Variants in LRRIQ4 observed in about 807,000 individuals in gnomAD.
The protein encoded by LRRIQ4 is leucine rich repeats and IQ motif containing 4.
LRRIQ4 carries 21 observed loss-of-function variants against 40.1 expected under a neutral mutation model. That is an observed-to-expected ratio of 0.52 (90% CI 0.37 to 0.75). The LOEUF (loss-of-function observed/expected upper bound fraction) is 0.75, where lower values mean the gene tolerates loss of function less well. Among genes scored for constraint, LRRIQ4 ranks in the 30% least tolerant of loss-of-function variants. LRRIQ4 has a pLI of 0.00. For synonymous variants in LRRIQ4, 277 were observed against 277.1 expected (o/e 1.00, Z 0.00); for missense variants, 655 against 660.0 (o/e 0.99, Z 0.08).
rs1214670852 is a variant in LRRIQ4, at chr3:169,822,903, C to T, written c.982C>T (p.Leu328Phe). ...GCTGCAGATCTGTGCACTGAAGAACCTTGAAGTCCTGGGACTGGATGACAA... is the reference window on the plus strand; with the variant it reads ...GCTGCAGATCTGTGCACTGAAGAACTTTGAAGTCCTGGGACTGGATGACAA... Reference protein sequence around the residue: ...CPLQICALKNLEVLGLDDNKI... With the variant: ...CPLQICALKNFEVLGLDDNKI... Residue 328 changes from leucine to phenylalanine, a missense_variant, in exon 2 of 6, where the codon CTT (leucine) becomes TTT (phenylalanine). By Grantham distance (22) the Leu-to-Phe change is conservative. Transcript: ENST00000340806. 6.4e-7 allele frequency: 1 copy of T among 1,561,642 alleles called. No homozygotes were observed. Among genetic ancestry groups the T allele is most frequent in the South Asian group, 1.2e-5 (1 of 81,804 alleles).
In LRRIQ4 at chr3:169,828,853, C is replaced by A. The variant is rs1385190319; in HGVS notation, c.1115C>A (p.Ala372Glu). 6.2e-7 allele frequency: 1 copy of A among 1,613,762 alleles called. No individual in the cohort carries two copies. Among genetic ancestry groups the A allele is most frequent in the Non-Finnish European group, 8.5e-7 (1 of 1,179,796 alleles). The stretch of plus-strand genomic sequence containing the variant: ...TTTCCGGAGGAAGTCCTTTCTTTAG[C>A]GTCTTTAGAGAAATTATACATTGGG... ...LSFPEEVLSL[A>E]SLEKLYIGQD... The change falls in exon 3 of 6, where the codon GCG becomes GAG. Residue 372 changes from alanine (A) to glutamate (E), a missense_variant. Ala to Glu is a moderately radical substitution (Grantham distance 107, BLOSUM62 -1). Coordinates refer to ENST00000340806, the MANE Select transcript of LRRIQ4 (RefSeq NM_001080460.3).
At chr3:169,833,224 G>A (rs755629951) in intron 5 of LRRIQ4, 41 bp downstream of exon 5, 3 of 1,507,430 alleles carry the variant, frequency 2.0e-6, no homozygotes. Flanking sequence ...TGCTTTAGAG[G>A]GAGTCTAATG....
At chr3:169,833,727 C>G (rs1051343068) in intron 5 of LRRIQ4, among the ~76,000 whole-genome samples, 1 of 152,120 alleles carries the variant, frequency 6.6e-6, no homozygotes, top group Non-Finnish European at 1.5e-5. Flanking sequence ...ATCTCACAGC[C>G]GGATAACTAC....
At chr3:169,826,360 C>A (rs1410539461) in intron 2 of LRRIQ4, among the ~76,000 whole-genome samples, 1 of 150,906 alleles carries the variant, frequency 6.6e-6, no homozygotes, top group Non-Finnish European at 1.5e-5. Context: ...CCATTGCCGT[C>A]CAGCCGAGGC....
chr3:169,822,187 C>T lies in LRRIQ4; in HGVS notation c.266C>T (p.Ala89Val). The change falls in exon 2 of 6, where the codon GCG becomes GTG. Residue 89 changes from alanine (A) to valine (V), a missense_variant. Transcript: ENST00000340806. ...DKNNLRSLCPALGLLSSLESL... is the reference protein window; with the variant it reads ...DKNNLRSLCPVLGLLSSLESL... ...AACAACCTGAGGAGCCTGTGCCCGG[C>T]GCTGGGGCTGCTGAGCAGCCTGGAG... The T allele has an allele frequency of 1.9e-6, 3 of 1,605,248 alleles. No individual in the cohort carries two copies. The highest frequency in any genetic ancestry group is 1.1e-5 in the South Asian group (1 of 89,418).
Position 169,822,729 on chromosome 3 carries a change from G to A in LRRIQ4, c.808G>A (p.Glu270Lys), listed in dbSNP as rs771389654. The change falls in exon 2 of 6, where the codon GAG becomes AAG. Residue 270 changes from glutamate to lysine, a missense_variant. Physicochemically the swap from Glu to Lys is moderately conservative, Grantham distance 56. Coordinates refer to ENST00000340806, the MANE Select transcript of LRRIQ4 (RefSeq NM_001080460.3). Reference protein sequence around the residue: ...TEIGLSGNRLEKVPRLICRWT... With the variant: ...TEIGLSGNRLKKVPRLICRWT... Reference sequence around the variant, plus strand: ...AATCGGGCTGAGCGGGAACCGCCTGGAGAAGGTGCCACGCCTCATTTGCAG... The same window carrying A: ...AATCGGGCTGAGCGGGAACCGCCTGAAGAAGGTGCCACGCCTCATTTGCAG... The A allele has an allele frequency of 1.9e-6, 3 of 1,613,796 alleles. No individual in the cohort carries two copies. The highest frequency in any genetic ancestry group is 2.5e-6 in the Non-Finnish European group (3 of 1,179,868).
chr3:169,830,377 GAAAAAAAAAAAAAAAA>G (rs56795981), intron 3 of LRRIQ4, 99 bp from the exon 4 acceptor site: 5,028 of 106,676 alleles, frequency 0.047, 146 homozygotes, highest in Admixed American at 0.065. Flanking sequence ...CACTGAAAGT[GAAAAAAAAAAAAAAAA>G]AAAAAAAAAA....
At chr3:169,828,045 G>T (rs904647916) in intron 2 of LRRIQ4, among the ~76,000 whole-genome samples, 5 of 152,142 alleles carry the variant, frequency 3.3e-5, no homozygotes, top group African/African-American at 1.2e-4. Context: ...TTCAACTGAA[G>T]TTTCAAAATT....
intron 1 of LRRIQ4, among the ~76,000 whole-genome samples, chr3:169,814,309 G>T (rs74655960): frequency 0.056 from 8,459 of 152,128 alleles, 294 homozygotes; most frequent in African/African-American, 0.1. Flanking sequence ...AATTCCCCTC[G>T]GTCTACACAT....
intron 3 of LRRIQ4, 117 bp from the exon 4 acceptor site, chr3:169,830,375 G>T (rs1444431810): frequency 2.8e-6 from 1 of 351,278 alleles, no homozygotes; most frequent in Non-Finnish European, 4.0e-6. Context: ...CCCACTGAAA[G>T]TGAAAAAAAA....
chr3:169,828,946 A>G lies in LRRIQ4; in HGVS notation c.1194+14A>G, dbSNP rs775182194. On this transcript the variant is annotated intron_variant, in intron 3 of 5. Coordinates refer to ENST00000340806, the MANE Select transcript of LRRIQ4 (RefSeq NM_001080460.3). ...AGGAAACTGCAGGTAAGCCTCCCCA[A>G]ATGAGCAGGCTAAGAAGCACCTGTC... 84 of 1,597,560 alleles carry G rather than the reference A, an allele frequency of 5.3e-5. No homozygotes were observed. The highest frequency in any genetic ancestry group is 4.7e-5 in the Non-Finnish European group (55 of 1,174,430).
chr3:169,837,670 G>T lies in LRRIQ4; in HGVS notation c.*39G>T. 6.8e-7 allele frequency: 1 copy of T among 1,462,582 alleles called. No homozygotes were observed. Among genetic ancestry groups the T allele is most frequent in the Non-Finnish European group, 9.1e-7 (1 of 1,094,666 alleles). The allele number at this position is 1,462,582 out of a possible 1,614,324, so 90.6% of individuals were successfully genotyped here. On this transcript the variant is annotated 3_prime_UTR_variant, in exon 6 of 6. Transcript: ENST00000340806. ...TAAATTGGGGTAATGGACCTTGATA[G>T]ATTAAGAAGACAAAATATCTAGGAA...
At chr3:169,830,458 G>A (rs1222271961) in intron 3 of LRRIQ4, 34 bp from the exon 4 acceptor site, 3 of 1,281,584 alleles carry the variant, frequency 2.3e-6, no homozygotes, top group East Asian at 3.9e-5. Context: ...AATTAATCAA[G>A]GTATATTATT....
chr3:169,819,275 G>A (rs778093853), intron 1 of LRRIQ4, among the ~76,000 whole-genome samples: 1 of 152,080 alleles, frequency 6.6e-6, no homozygotes, highest in Non-Finnish European at 1.5e-5. Flanking sequence ...ACAAATGAAC[G>A]TGAAATATGG....
chr3:169,827,585 C>A (rs1207633613), intron 2 of LRRIQ4, among the ~76,000 whole-genome samples: 2 of 113,610 alleles, frequency 1.8e-5, no homozygotes, highest in Non-Finnish European at 3.3e-5. Context: ...CCAGCCTGGG[C>A]GGCAGAGCGA....
At chr3:169,832,912 T>C (rs910261146) in intron 4 of LRRIQ4, 75 bp from the exon 5 acceptor site, 37 of 1,307,848 alleles carry the variant, frequency 2.8e-5, no homozygotes, top group Non-Finnish European at 3.9e-5. Context: ...CCCTCACCTA[T>C]GTGGACAGGA....
At chr3:169,832,508 T>C (rs1200283298) in intron 4 of LRRIQ4, among the ~76,000 whole-genome samples, 4 of 150,364 alleles carry the variant, frequency 2.7e-5, no homozygotes, top group Non-Finnish European at 1.5e-5. Flanking sequence ...GGCGTGCACC[T>C]GAAATCCCAG....
In LRRIQ4 at chr3:169,830,165, G is replaced by A. The variant is rs145880197; in HGVS notation, c.1195-327G>A. Among the ~76,000 whole-genome samples, 127 of 151,952 alleles carry A rather than the reference G, an allele frequency of 8.4e-4. 2 individuals carry two copies. Among genetic ancestry groups the A allele is most frequent in the African/African-American group, 3.0e-3 (126 of 41,452 alleles). On this transcript the variant is annotated intron_variant, in intron 3 of 5. Transcript: ENST00000340806. ...CCACAGACAATTAGCTATTAAAAAA[G>A]GAGTTAATGATAAATGTAGTTAAAT...
In LRRIQ4 at chr3:169,822,607, C is replaced by A. The variant is rs763240807; in HGVS notation, c.686C>A (p.Ser229Tyr). Residue 229 changes from serine (S) to tyrosine (Y), a missense_variant, in exon 2 of 6, where the codon TCC (serine) becomes TAC (tyrosine). Transcript: ENST00000340806. ...AACAACCTTCCCGTTCTGCCCGCGT[C>A]CTTGTGCCAGTGTAGCCAACTGTCG... ...ASNNLPVLPA[S>Y]LCQCSQLSVL... The A allele has an allele frequency of 6.2e-7, 1 of 1,613,904 alleles. No individual in the cohort carries two copies. The highest frequency in any genetic ancestry group is 1.3e-5 in the African/African-American group (1 of 74,942).
Sources: allele counts gnomAD v4.1 joint callset (sites outside exome capture counted in the v4.1 genomes callset), GRCh38; gene constraint gnomAD v4.1.1; transcripts MANE v1.5; gene names NCBI Gene and HGNC (gene_info 2026-07-23, HGNC 2026-07-21).